RAB3IP: variants seen among roughly 807,000 people sequenced by gnomAD.
The protein encoded by RAB3IP is rab-3A-interacting protein.
A neutral mutation model predicts 59.1 loss-of-function variants in RAB3IP; 36 were observed. The ratio of observed to expected loss-of-function variants is 0.61; its 90% CI spans 0.47 to 0.80. The LOEUF is 0.80. Ranked by LOEUF, RAB3IP falls within the 30% of genes least tolerant of loss-of-function variation. RAB3IP has a pLI of 0.00. For missense variants in RAB3IP, 511 were observed against 536.0 expected, an observed-to-expected ratio of 0.95 and a Z score of 0.46; for synonymous variants, 207 against 191.2, an observed-to-expected ratio of 1.08 and a Z score of -0.68.
intron 8 of RAB3IP, among the ~76,000 whole-genome samples, chr12:69,808,197 A>G (rs1220950827): frequency 6.6e-6 from 1 of 152,156 alleles, no homozygotes; most frequent in Non-Finnish European, 1.5e-5. Flanking sequence ...GTAGTTGAGC[A>G]GTTGTGAGTG....
intron 8 of RAB3IP, among the ~76,000 whole-genome samples, chr12:69,804,570 C>T (rs1416485640): frequency 6.6e-6 from 1 of 152,206 alleles, no homozygotes; most frequent in Non-Finnish European, 1.5e-5. Context: ...AGTCCTTGTC[C>T]ATGCCTATGT....
intron 3 of RAB3IP, among the ~76,000 whole-genome samples, chr12:69,769,494 G>A (rs74101327): frequency 0.021 from 3,253 of 152,188 alleles, 123 homozygotes; most frequent in African/African-American, 0.074. Context: ...ACACTATCAC[G>A]GGGGCTGTTT....
chr12:69,747,090 A>G (rs921757243), intron 1 of RAB3IP, among the ~76,000 whole-genome samples: 8 of 152,210 alleles, frequency 5.3e-5, no homozygotes, highest in African/African-American at 1.9e-4. Flanking sequence ...CCCAAACTCA[A>G]CAATCATTGC....
At chr12:69,812,704 A>C in intron 8 of RAB3IP, 74 bp from the exon 9 acceptor site, 1 of 946,636 alleles carries the variant, frequency 1.1e-6, no homozygotes, top group East Asian at 2.4e-5. Context: ...AACTGAATGA[A>C]TAGGCAACTT....
At chr12:69,805,455 G>A (rs1879099287) in intron 8 of RAB3IP, among the ~76,000 whole-genome samples, 1 of 152,164 alleles carries the variant, frequency 6.6e-6, no homozygotes, top group African/African-American at 2.4e-5. Context: ...GGGACAATTT[G>A]ACTTCCTCTT....
intron 1 of RAB3IP, among the ~76,000 whole-genome samples, chr12:69,744,109 A>G (rs1217841162): frequency 6.6e-6 from 1 of 151,660 alleles, no homozygotes; most frequent in Non-Finnish European, 1.5e-5. Flanking sequence ...TACCTTAGGT[A>G]TTTCTCCTAA....
intron 7 of RAB3IP, 24 bp downstream of exon 7, chr12:69,800,361 G>C (rs977465709): frequency 7.0e-6 from 10 of 1,420,926 alleles, no homozygotes; most frequent in Non-Finnish European, 9.7e-6. Context: ...ATTTTAGTAG[G>C]AATTCATTAT....
At chr12:69,754,730 T>C (rs760645519) in intron 1 of RAB3IP, among the ~76,000 whole-genome samples, 3 of 152,218 alleles carry the variant, frequency 2.0e-5, no homozygotes, top group African/African-American at 4.8e-5. Context: ...AAACATGTTG[T>C]ACATGATAAA....
chr12:69,797,282 C>T (rs898497846), intron 6 of RAB3IP, among the ~76,000 whole-genome samples: 1 of 152,176 alleles, frequency 6.6e-6, no homozygotes, highest in African/African-American at 2.4e-5. Flanking sequence ...GCTATGCAAT[C>T]TCCGGCAAAT....
intron 6 of RAB3IP, 89 bp downstream of exon 6, chr12:69,795,433 AT>A: frequency 9.6e-7 from 1 of 1,045,938 alleles, no homozygotes; most frequent in Non-Finnish European, 1.5e-6. Context: ...TGCCAGCAAA[AT>A]TTTTAGTACA....
At chr12:69,763,674 G>GTATA (rs1871737885) in intron 3 of RAB3IP, among the ~76,000 whole-genome samples, 1 of 151,908 alleles carries the variant, frequency 6.6e-6, no homozygotes, top group Non-Finnish European at 1.5e-5. Flanking sequence ...TGGATATATT[G>GTATA]TATAGTTCTG....
At chr12:69,768,450 T>C (rs1565889539) in intron 3 of RAB3IP, among the ~76,000 whole-genome samples, 2 of 152,122 alleles carry the variant, frequency 1.3e-5, no homozygotes, top group Non-Finnish European at 2.9e-5. Context: ...GAGATCTTCC[T>C]GGGAATGGAG....
chr12:69,762,993 A>G (rs1161362398), intron 3 of RAB3IP, among the ~76,000 whole-genome samples: 1 of 152,168 alleles, frequency 6.6e-6, no homozygotes, highest in Non-Finnish European at 1.5e-5. Context: ...GCTTCTCAAC[A>G]TAAGCTCCGT....
intron 4 of RAB3IP, among the ~76,000 whole-genome samples, chr12:69,790,423 A>G (rs941465684): frequency 6.6e-6 from 1 of 152,192 alleles, no homozygotes; most frequent in African/African-American, 2.4e-5. Flanking sequence ...ACACAGATGG[A>G]AAGAGATTTG....
intron 3 of RAB3IP, among the ~76,000 whole-genome samples, chr12:69,772,462 G>C (rs1873293325): frequency 6.6e-6 from 1 of 152,054 alleles, no homozygotes; most frequent in East Asian, 1.9e-4. Context: ...TTCTTTTATA[G>C]TTGTTTTGTA....
intron 1 of RAB3IP, among the ~76,000 whole-genome samples, chr12:69,755,081 T>C (rs552269396): frequency 1.3e-5 from 2 of 152,226 alleles, no homozygotes; most frequent in Admixed American, 1.3e-4. Flanking sequence ...TGTTTTGTTT[T>C]TGTTTTTGTT....
chr12:69,752,389 CTGTT>C (rs1869476438), intron 1 of RAB3IP, among the ~76,000 whole-genome samples: 1 of 150,468 alleles, frequency 6.6e-6, no homozygotes, highest in African/African-American at 2.4e-5. Flanking sequence ...GTTATTTATC[CTGTT>C]TTTTATCTTA....
intron 3 of RAB3IP, among the ~76,000 whole-genome samples, chr12:69,780,769 T>C (rs1874559300): frequency 6.6e-6 from 1 of 152,128 alleles, no homozygotes; most frequent in African/African-American, 2.4e-5. Flanking sequence ...CAGATGAAGC[T>C]TGCTGCCTAG....
chr12:69,817,281 A>G lies in RAB3IP; in HGVS notation c.*1835A>G, dbSNP rs973157738. On this transcript the variant is annotated 3_prime_UTR_variant, in exon 11 of 11. Coordinates refer to ENST00000247833, the MANE Select transcript of RAB3IP (RefSeq NM_022456.5). ...GGGGAAGAATGCTTTTCAACCTTAT[A>G]CACTAGAAGCATGCTCTTTAAAATT... The G allele has an allele frequency of 2.1e-4, 32 of 152,196 alleles. No individual in the cohort carries two copies. The highest frequency in any genetic ancestry group is 7.2e-4 in the African/African-American group (30 of 41,456). The allele number at this position is 152,196 out of a possible 1,614,324, so 9.4% of individuals were successfully genotyped here.
Sources: allele counts gnomAD v4.1 joint callset (sites outside exome capture counted in the v4.1 genomes callset), GRCh38; gene constraint gnomAD v4.1.1; transcripts MANE v1.5; gene names NCBI Gene and HGNC (gene_info 2026-07-23, HGNC 2026-07-21).